The following YARS1 variants were observed in gnomAD, a reference collection of about 807,000 sequenced individuals.
YARS1 encodes tyrosine--tRNA ligase, cytoplasmic.
In YARS1, 36 loss-of-function variants were observed where a neutral mutation model predicts 62.2. That is an observed-to-expected ratio of 0.58 (90% CI 0.44 to 0.76). YARS1 has a LOEUF of 0.76. Among genes scored for constraint, YARS1 ranks in the 30% least tolerant of loss-of-function variants. The pLI, the probability that YARS1 is intolerant of heterozygous loss-of-function variation, is 0.00. For synonymous variants in YARS1, 234 were observed against 244.9 expected (o/e 0.96, Z 0.42); for missense variants, 524 against 639.8 (o/e 0.82, Z 1.95).
intron 8 of YARS1, among the ~76,000 whole-genome samples, chr1:32,783,963 C>T (rs1341516908): frequency 6.6e-6 from 1 of 152,018 alleles, no homozygotes; most frequent in African/African-American, 2.4e-5. Context: ...TGGCTGCAGA[C>T]CTTTTTTCTG....
intron 5 of YARS1, among the ~76,000 whole-genome samples, chr1:32,792,058 C>A (rs1263986471): frequency 6.6e-6 from 1 of 152,082 alleles, no homozygotes; most frequent in Non-Finnish European, 1.5e-5. Flanking sequence ...TCAAAATTCC[C>A]CACTGATTTC....
intron 8 of YARS1, among the ~76,000 whole-genome samples, chr1:32,785,283 A>G (rs996714113): frequency 3.3e-5 from 5 of 152,214 alleles, no homozygotes; most frequent in African/African-American, 1.2e-4. Context: ...AACATGGTGA[A>G]ACCCCGTCTC....
intron 8 of YARS1, chr1:32,783,361 G>C (rs910352630): frequency 1.3e-5 from 2 of 152,202 alleles, no homozygotes; most frequent in African/African-American, 4.8e-5. Context: ...CCCAGGCTGG[G>C]GTGCAGTGGC....
chr1:32,806,422 A>G, intron 4 of YARS1, 60 bp downstream of exon 4: 4 of 1,612,286 alleles, frequency 2.5e-6, no homozygotes, highest in Non-Finnish European at 2.5e-6. Flanking sequence ...GCAATAAGAT[A>G]TGCCTGTCAT....
chr1:32,813,103 T>C (rs1204875248), intron 1 of YARS1, among the ~76,000 whole-genome samples: 1 of 152,022 alleles, frequency 6.6e-6, no homozygotes, highest in East Asian at 1.9e-4. Context: ...ACCTAGAACC[T>C]AGAACCCCCA....
intron 12 of YARS1, among the ~76,000 whole-genome samples, chr1:32,777,032 A>AT (rs34834736): frequency 0.15 from 21,442 of 143,586 alleles, 1,851 homozygotes; most frequent in African/African-American, 0.24. Context: ...CAACCCCTCA[A>AT]TTTTTTTTTT....
intron 6 of YARS1, among the ~76,000 whole-genome samples, chr1:32,787,602 TGG>T (rs1470363300): frequency 6.6e-6 from 1 of 151,688 alleles, no homozygotes; most frequent in Non-Finnish European, 1.5e-5. Flanking sequence ...CTCCGCCTCC[TGG>T]GTTCACGCCA....
chr1:32,798,210 A>G, intron 4 of YARS1: 1 of 243,022 alleles, frequency 4.1e-6, no homozygotes, highest in Non-Finnish European at 8.2e-6. Context: ...GGTCTGAGAA[A>G]TCAGAAACTT....
intron 3 of YARS1, among the ~76,000 whole-genome samples, chr1:32,809,863 TGGGAGACCGA>T (rs1638543416): frequency 6.6e-6 from 1 of 152,212 alleles, no homozygotes; most frequent in Non-Finnish European, 1.5e-5. Context: ...CCCAGCACTT[TGGGAGACCGA>T]GGTGGGCGGA....
chr1:32,797,853 G>A lies in YARS1; in HGVS notation c.511-10C>T, dbSNP rs376935793. The A allele has an allele frequency of 5.0e-5, 80 of 1,610,480 alleles. 1 individual carries two copies. The highest frequency in any genetic ancestry group is 6.3e-5 in the Non-Finnish European group (74 of 1,176,996). ...ACTCTTCATCCAAAGCCTGTGGAAAGAAACACATGAACATAAACATCTACT... is the reference window on the plus strand; with the variant it reads ...ACTCTTCATCCAAAGCCTGTGGAAAAAAACACATGAACATAAACATCTACT... On this transcript the variant is annotated splice_polypyrimidine_tract_variant and intron_variant, in intron 4 of 12. Transcript: ENST00000373477.
rs557482918 is a variant in YARS1, at chr1:32,814,973, C to T, written c.57+2215G>A. On this transcript the variant is annotated intron_variant, in intron 1 of 12. Coordinates refer to ENST00000373477, the MANE Select transcript of YARS1 (RefSeq NM_003680.4). ...CTCCAAGTCTTTTGGCAGCTGATCC[C>T]GCATGCTCAAGAGCACCCCTGACAA... 2.6e-5 allele frequency among the ~76,000 whole-genome samples: 4 copies of T among 152,266 alleles called. 1 individual carries two copies. Among genetic ancestry groups the T allele is most frequent in the African/African-American group, 9.6e-5 (4 of 41,550 alleles).
At position 32,782,516 on chromosome 1, in the gene YARS1, C is replaced by G. The variant is rs781622921; in HGVS notation, c.930G>C (p.Lys310Asn). The G allele has an allele frequency of 6.2e-7, 1 of 1,614,130 alleles. No individual in the cohort carries two copies. Among genetic ancestry groups the G allele is most frequent in the Non-Finnish European group, 8.5e-7 (1 of 1,180,036 alleles). The stretch of plus-strand genomic sequence containing the variant: ...TGTTCAGTGCGACTTCAACAGAATT[C>G]TTCAGGTCTCCAGGATGTACAACCT... ...AAEVVHPGDLKNSVEVALNKL... is the reference protein window; with the variant it reads ...AAEVVHPGDLNNSVEVALNKL... Residue 310 changes from lysine (K) to asparagine (N), a missense_variant, in exon 9 of 13, where the codon AAG becomes AAC. By Grantham distance (94) the Lys-to-Asn change is moderately conservative (BLOSUM62 0). Transcript: ENST00000373477.
intron 8 of YARS1, 87 bp downstream of exon 8, chr1:32,786,275 C>G: frequency 1.5e-6 from 2 of 1,335,472 alleles, no homozygotes; most frequent in Non-Finnish European, 2.1e-6. Flanking sequence ...TTACACAGAA[C>G]AAGTTGTTCT....
intron 1 of YARS1, among the ~76,000 whole-genome samples, chr1:32,813,228 G>A (rs895052022): frequency 5.3e-5 from 8 of 152,178 alleles, no homozygotes; most frequent in African/African-American, 1.7e-4. Flanking sequence ...CACCTTGGAC[G>A]CATGTTCTCA....
In YARS1 at chr1:32,781,088, C is replaced by T. The variant is rs762473756; in HGVS notation, c.1100G>A (p.Arg367Gln). The T allele has an allele frequency of 2.2e-5, 36 of 1,614,096 alleles. No individual in the cohort carries two copies. The South Asian group carries it at 2.9e-4, about 13-fold the overall frequency. The part of the protein sequence containing the change: ...NSEPEEVIPS[R>Q]LDIRVGKIIT... The stretch of plus-strand genomic sequence containing the variant: ...GATTTTCCCCACACGGATATCCAGC[C>T]GGGATGGGATGACCTCCTCTGGTTC... The change falls in exon 10 of 13, where the codon CGG becomes CAG. Residue 367 changes from arginine (R) to glutamine (Q), a missense_variant. Arg to Gln is a conservative substitution (Grantham distance 43). Transcript: ENST00000373477.
At chr1:32,779,289 C>G in intron 12 of YARS1, 93 bp downstream of exon 12, 1 of 1,604,690 alleles carries the variant, frequency 6.2e-7, no homozygotes, top group South Asian at 1.1e-5. Context: ...GAAGTCCCAA[C>G]AGAGAGGGGC....
chr1:32,810,972 G>A lies in YARS1; in HGVS notation c.143C>T (p.Pro48Leu). The A allele has an allele frequency of 6.2e-7, 1 of 1,614,100 alleles. No individual in the cohort carries two copies. ...IYWGTATTGKPHVAYFVPMSK... is the reference protein window; with the variant it reads ...IYWGTATTGKLHVAYFVPMSK... ...CATGGGCACAAAGTAAGCCACATGT[G>A]GTTTGCCCGTGGTTGCCGTTCCCCA... The change falls in exon 2 of 13, where the codon CCA (proline) becomes CTA (leucine). Residue 48 changes from proline to leucine, a missense_variant. Pro to Leu is a moderately conservative substitution (Grantham distance 98, BLOSUM62 -3). Coordinates refer to ENST00000373477, the MANE Select transcript of YARS1 (RefSeq NM_003680.4).
intron 5 of YARS1, among the ~76,000 whole-genome samples, chr1:32,794,047 G>A (rs1016834582): frequency 2.1e-4 from 32 of 152,150 alleles, no homozygotes; most frequent in African/African-American, 7.0e-4. Context: ...TAGATGAAAA[G>A]TGACTTAAAA....
rs1377724977 is a variant in YARS1 at position 32,776,631 on chromosome 1, T to C, written c.1477-540A>G. ...GACATCTGTCACATCTGTCACATCA[T>C]TCTAACAGTGAAAAACCAAATAACC... On this transcript the variant is annotated intron_variant, in intron 12 of 12. Coordinates refer to ENST00000373477, the MANE Select transcript of YARS1 (RefSeq NM_003680.4). This position sits in a 1 kb window ranked among gnomAD's most constrained non-coding sequence, Gnocchi z 4.0. Among the ~76,000 whole-genome samples the C allele has an allele frequency of 6.6e-6, 1 of 152,222 alleles. No individual in the cohort carries two copies. Among genetic ancestry groups the C allele is most frequent in the African/African-American group, 2.4e-5 (1 of 41,468 alleles).
Sources: gnomAD v4.1 joint callset for allele counts (sites outside exome capture counted in the v4.1 genomes callset) on GRCh38, gnomAD v4.1.1 for gene constraint, Gnocchi (gnomAD v3.1) non-coding constraint, MANE v1.5 for transcripts, NCBI Gene and HGNC (gene_info 2026-07-23, HGNC 2026-07-21) for gene names.